The following SLC24A3 variants were observed in gnomAD, a reference collection of about 807,000 sequenced individuals.
SLC24A3 encodes the protein solute carrier family 24 member 3.
A neutral mutation model predicts 75.8 loss-of-function variants in SLC24A3; 28 were observed. The observed-to-expected ratio is 0.37, with a 90% CI of 0.27 to 0.51. The LOEUF is 0.51. Among genes scored for constraint, SLC24A3 ranks in the 20% least tolerant of loss-of-function variants. SLC24A3 has a pLI of 0.94. For missense variants in SLC24A3, 663 were observed against 847.8 expected (o/e 0.78, Z 2.71); for synonymous variants, 372 against 334.1 (o/e 1.11, Z -1.24).
At chr20:19,432,057 T>C (rs1322236418) in intron 2 of SLC24A3, among the ~76,000 whole-genome samples, 5 of 152,166 alleles carry the variant, frequency 3.3e-5, no homozygotes, top group African/African-American at 2.4e-5. Flanking sequence ...CTTTGCAAAC[T>C]ACCTGAATTC....
chr20:19,328,802 G>T (rs530646823), intron 2 of SLC24A3, among the ~76,000 whole-genome samples: 1 of 152,234 alleles, frequency 6.6e-6, no homozygotes, highest in Non-Finnish European at 1.5e-5. Flanking sequence ...ACCAAGGGGG[G>T]ACTGGGAGGA....
chr20:19,343,088 A>G (rs7273877), intron 2 of SLC24A3, among the ~76,000 whole-genome samples: 17 of 147,242 alleles, frequency 1.2e-4, no homozygotes, highest in African/African-American at 2.7e-4. Context: ...AAAAAAAGAA[A>G]AAAGAAAAAG....
At chr20:19,512,288 C>T (rs990814970) in intron 2 of SLC24A3, among the ~76,000 whole-genome samples, 1 of 152,160 alleles carries the variant, frequency 6.6e-6, no homozygotes, top group African/African-American at 2.4e-5. Context: ...GAAGGAGGAC[C>T]CTGACGAAGC....
At position 19,718,692 on chromosome 20, in the gene SLC24A3, A is replaced by T. The variant is rs146521463; in HGVS notation, c.1785+1099A>T. ...GGCTAACCACTAACTGGGCTGTCAAAATGAGGTTACCAAAATGCTGAAGAG... is the reference window on the plus strand; with the variant it reads ...GGCTAACCACTAACTGGGCTGTCAATATGAGGTTACCAAAATGCTGAAGAG... On this transcript the variant is annotated intron_variant, in intron 16 of 16. Coordinates refer to ENST00000328041, the MANE Select transcript of SLC24A3 (RefSeq NM_020689.4). 1.4e-3 allele frequency among the ~76,000 whole-genome samples: 220 copies of T among 152,320 alleles called. 2 individuals are homozygous for T. Among genetic ancestry groups the T allele is most frequent in the African/African-American group, 5.1e-3 (211 of 41,572 alleles).
chr20:19,631,253 G>A (rs2031929200), intron 6 of SLC24A3, among the ~76,000 whole-genome samples: 1 of 152,162 alleles, frequency 6.6e-6, no homozygotes, highest in African/African-American at 2.4e-5. Flanking sequence ...CAGCTACTTG[G>A]GAGACTGAGG....
At chr20:19,273,008 C>T (rs1267807236) in intron 1 of SLC24A3, among the ~76,000 whole-genome samples, 1 of 152,152 alleles carries the variant, frequency 6.6e-6, no homozygotes, top group Admixed American at 6.5e-5. Flanking sequence ...AATATGTGGG[C>T]TTTCCCATCT....
At chr20:19,365,431 G>T (rs1422599444) in intron 2 of SLC24A3, among the ~76,000 whole-genome samples, 1 of 152,134 alleles carries the variant, frequency 6.6e-6, no homozygotes, top group Non-Finnish European at 1.5e-5. Flanking sequence ...AAACAGATTG[G>T]GTGGGGATTC....
At chr20:19,320,633 C>A (rs187682232) in intron 2 of SLC24A3, among the ~76,000 whole-genome samples, 54 of 152,148 alleles carry the variant, frequency 3.5e-4, no homozygotes, top group African/African-American at 1.1e-3. Context: ...AGTTGTCGCT[C>A]GGTATCTTCA....
chr20:19,223,950 G>T (rs577376264), intron 1 of SLC24A3, among the ~76,000 whole-genome samples: 200 of 152,342 alleles, frequency 1.3e-3, no homozygotes, highest in African/African-American at 4.7e-3. Context: ...GACAACTTGA[G>T]ATTTTATCAC....
chr20:19,410,019 A>G (rs1378022771), intron 2 of SLC24A3, among the ~76,000 whole-genome samples: 1 of 152,208 alleles, frequency 6.6e-6, no homozygotes, highest in Non-Finnish European at 1.5e-5. Flanking sequence ...TAAAATCTAA[A>G]AAATAAAGTA....
At chr20:19,324,180 A>C (rs1341100295) in intron 2 of SLC24A3, among the ~76,000 whole-genome samples, 1 of 152,198 alleles carries the variant, frequency 6.6e-6, no homozygotes, top group African/African-American at 2.4e-5. Flanking sequence ...TGTTTCAGTC[A>C]TGTGAAATCT....
At chr20:19,665,602 G>A (rs2032389354) in intron 7 of SLC24A3, among the ~76,000 whole-genome samples, 2 of 152,178 alleles carry the variant, frequency 1.3e-5, no homozygotes, top group South Asian at 2.1e-4. Context: ...CAGGAAGAAG[G>A]GAATTACCTG....
chr20:19,541,892 G>A (rs773709377), intron 3 of SLC24A3, among the ~76,000 whole-genome samples: 2 of 152,202 alleles, frequency 1.3e-5, no homozygotes, highest in Admixed American at 6.5e-5. Flanking sequence ...ACACTGTGGT[G>A]CTCCTACTGT....
At chr20:19,336,372 G>A (rs1985133696) in intron 2 of SLC24A3, among the ~76,000 whole-genome samples, 1 of 152,090 alleles carries the variant, frequency 6.6e-6, no homozygotes, top group Non-Finnish European at 1.5e-5. Flanking sequence ...AAAGTTTTCT[G>A]ACTCCTGCCC....
chr20:19,217,029 C>T (rs868186062), intron 1 of SLC24A3, among the ~76,000 whole-genome samples: 5 of 152,356 alleles, frequency 3.3e-5, no homozygotes, highest in South Asian at 2.1e-4. Flanking sequence ...AACACCCACA[C>T]GTGGCCTCTC....
chr20:19,401,403 T>C (rs967168047), intron 2 of SLC24A3, among the ~76,000 whole-genome samples: 3 of 152,186 alleles, frequency 2.0e-5, no homozygotes, highest in Non-Finnish European at 2.9e-5. Flanking sequence ...TAGTCTACTG[T>C]CAGTCTTGGG....
At chr20:19,296,646 T>C (rs193197781) in intron 2 of SLC24A3, among the ~76,000 whole-genome samples, 8 of 152,272 alleles carry the variant, frequency 5.3e-5, no homozygotes, top group Admixed American at 3.3e-4. Flanking sequence ...CACACAATAA[T>C]AGTGGGAAAC....
chr20:19,236,857 G>A (rs1982184576), intron 1 of SLC24A3, among the ~76,000 whole-genome samples: 1 of 152,084 alleles, frequency 6.6e-6, no homozygotes, highest in South Asian at 2.1e-4. Context: ...GAGAGAGAGG[G>A]ATGCAAGTGT....
intron 3 of SLC24A3, among the ~76,000 whole-genome samples, chr20:19,537,284 C>G (rs1340551041): frequency 1.3e-5 from 2 of 152,230 alleles, no homozygotes; most frequent in Non-Finnish European, 2.9e-5. Flanking sequence ...AAATGCTCAT[C>G]ATCACCGGCC....
Sources: allele counts gnomAD v4.1 joint callset (sites outside exome capture counted in the v4.1 genomes callset), GRCh38; gene constraint gnomAD v4.1.1; transcripts MANE v1.5; gene names NCBI Gene and HGNC (gene_info 2026-07-23, HGNC 2026-07-21).